The following TENM3 variants were observed in gnomAD, a reference collection of about 807,000 sequenced individuals.
The protein encoded by TENM3 is teneurin-3.
A neutral mutation model predicts 255.1 loss-of-function variants in TENM3; 63 were observed. That is an observed-to-expected ratio of 0.25 (90% CI 0.20 to 0.30). TENM3 has a LOEUF of 0.30. TENM3 is among the 10% of genes least tolerant of loss of function. The pLI is 1.00. For missense variants in TENM3, 2,929 were observed against 3,461.1 expected (o/e 0.85, Z 3.86); for synonymous variants, 1,306 against 1,322.3 (o/e 0.99, Z 0.27).
At chr4:181,694,101 T>C in the TENM3 span, among the ~76,000 whole-genome samples, 113 of 152,326 alleles carry the variant, frequency 7.4e-4, no homozygotes, top group Middle Eastern at 0.01. Flanking sequence ...TTATTCCATA[T>C]GTAAAGTTTT....
chr4:181,989,876 T>C, the TENM3 span, among the ~76,000 whole-genome samples: 1 of 152,178 alleles, frequency 6.6e-6, no homozygotes, highest in South Asian at 2.1e-4. Context: ...TAATTAGATA[T>C]AGTGTACTAC....
intron 11 of TENM3, among the ~76,000 whole-genome samples, chr4:182,684,506 T>C (rs1281404422): frequency 6.6e-6 from 1 of 150,904 alleles, no homozygotes; most frequent in Non-Finnish European, 1.5e-5. Flanking sequence ...TTATTTAATA[T>C]CTCTGTGCCT....
the TENM3 span, among the ~76,000 whole-genome samples, chr4:181,584,698 A>G: frequency 6.6e-6 from 1 of 152,150 alleles, no homozygotes; most frequent in Non-Finnish European, 1.5e-5. Context: ...CTGTTCCTCT[A>G]ACAATTTTCA....
intron 5 of TENM3, among the ~76,000 whole-genome samples, chr4:182,650,056 AAAT>A (rs1753117204): frequency 6.6e-6 from 1 of 150,720 alleles, no homozygotes; most frequent in African/African-American, 2.4e-5. Flanking sequence ...AAACGAAAAA[AAAT>A]AAGTCATAAT....
the TENM3 span, among the ~76,000 whole-genome samples, chr4:181,939,724 A>G: frequency 6.6e-6 from 1 of 152,222 alleles, no homozygotes; most frequent in Non-Finnish European, 1.5e-5. Context: ...CGCTCAGCAC[A>G]TGGCAGGGGC....
At chr4:181,878,311 G>A in the TENM3 span, among the ~76,000 whole-genome samples, 4 of 151,058 alleles carry the variant, frequency 2.6e-5, no homozygotes, top group African/African-American at 9.7e-5. Flanking sequence ...TGGGGGGAAA[G>A]GAAAGAAAAT....
At chr4:181,790,221 C>T in the TENM3 span, among the ~76,000 whole-genome samples, 2 of 152,122 alleles carry the variant, frequency 1.3e-5, no homozygotes, top group African/African-American at 4.8e-5. Flanking sequence ...AAGACCCCCA[C>T]ACATCTGGCC....
At position 182,796,741 on chromosome 4, in the gene TENM3, A is replaced by T. The variant is rs1471257674; in HGVS notation, c.7318A>T (p.Lys2440Ter). The T allele has an allele frequency of 6.2e-7, 1 of 1,610,358 alleles. No homozygotes were observed. Among genetic ancestry groups the T allele is most frequent in the African/African-American group, 1.3e-5 (1 of 74,898 alleles). The change falls in exon 27 of 28, where the codon AAG becomes TAG. Residue 2440 changes from lysine to a stop codon, truncating the protein, a stop_gained. Coordinates refer to ENST00000511685, the MANE Select transcript of TENM3 (RefSeq NM_001080477.4). LOFTEE classifies it high-confidence loss of function. ...DLTEPSYELVKSQQWDDIPPI... is the reference protein window; with the variant it reads ...DLTEPSYELV Reference sequence around the variant, plus strand: ...AACAGAACCTTCTTACGAACTTGTGAAGAGTCAGCAGTGGGATGATATACC... The same window carrying T: ...AACAGAACCTTCTTACGAACTTGTGTAGAGTCAGCAGTGGGATGATATACC...
chr4:182,123,007 A>G, the TENM3 span, among the ~76,000 whole-genome samples: 1 of 152,120 alleles, frequency 6.6e-6, no homozygotes, highest in Non-Finnish European at 1.5e-5. Context: ...CTTTCCTTAA[A>G]CCAACTTCTT....
chr4:182,351,896 T>C (rs1765205085), intron 3 of TENM3, among the ~76,000 whole-genome samples: 1 of 152,138 alleles, frequency 6.6e-6, no homozygotes, highest in Admixed American at 6.5e-5. Context: ...TTAAGTGAGT[T>C]CAGGTATGCC....
chr4:181,718,030 C>A, the TENM3 span, among the ~76,000 whole-genome samples: 10 of 152,264 alleles, frequency 6.6e-5, no homozygotes, highest in East Asian at 1.9e-3. Context: ...TAACTGAGAA[C>A]ACTGGGCTGT....
intron 2 of TENM3, among the ~76,000 whole-genome samples, chr4:182,326,563 C>A (rs959693766): frequency 2.8e-4 from 42 of 152,156 alleles, no homozygotes; most frequent in Admixed American, 7.8e-4. Context: ...TAGTGACAAG[C>A]TCGGTCTGTT....
At chr4:182,323,499 G>C (rs1763187346) in intron 1 of TENM3, among the ~76,000 whole-genome samples, 1 of 150,764 alleles carries the variant, frequency 6.6e-6, no homozygotes, top group Non-Finnish European at 1.5e-5. Context: ...CTGCTCTTTA[G>C]AATACATTGA....
intron 1 of TENM3, among the ~76,000 whole-genome samples, chr4:182,257,658 C>T (rs528335548): frequency 6.6e-5 from 10 of 151,972 alleles, no homozygotes; most frequent in Non-Finnish European, 1.2e-4. Flanking sequence ...GGAAAGGGAC[C>T]GGAATCGCCA....
At chr4:182,113,772 A>G in the TENM3 span, among the ~76,000 whole-genome samples, 1 of 152,140 alleles carries the variant, frequency 6.6e-6, no homozygotes, top group Non-Finnish European at 1.5e-5. Flanking sequence ...AGAATTAATT[A>G]AAGATTTTTA....
chr4:181,750,355 A>G, the TENM3 span, among the ~76,000 whole-genome samples: 1 of 152,148 alleles, frequency 6.6e-6, no homozygotes, highest in African/African-American at 2.4e-5. Context: ...AGAAAATTTC[A>G]TCTTCTGTGC....
the TENM3 span, among the ~76,000 whole-genome samples, chr4:181,930,944 G>A: frequency 6.6e-6 from 1 of 152,110 alleles, no homozygotes; most frequent in Non-Finnish European, 1.5e-5. Context: ...ATGCAGAAAA[G>A]GCCTTTGATA....
chr4:182,166,375 T>G (rs1210616136), intron 1 of TENM3, among the ~76,000 whole-genome samples: 2 of 152,170 alleles, frequency 1.3e-5, no homozygotes, highest in Admixed American at 1.3e-4. Context: ...GAGGGCCCCC[T>G]GGGCTTCTGC....
At chr4:181,704,150 A>C in the TENM3 span, among the ~76,000 whole-genome samples, 2 of 152,208 alleles carry the variant, frequency 1.3e-5, no homozygotes, top group African/African-American at 4.8e-5. Context: ...GTTGTCACAT[A>C]GCCCATCCTC....
Sources: gnomAD v4.1 joint callset for allele counts (sites outside exome capture counted in the v4.1 genomes callset) on GRCh38, gnomAD v4.1.1 for gene constraint, MANE v1.5 for transcripts, NCBI Gene and HGNC (gene_info 2026-07-23, HGNC 2026-07-21) for gene names.